The following FBXO25 variants were observed in gnomAD, a reference collection of about 807,000 sequenced individuals.
FBXO25 encodes F-box only protein 25.
Under a neutral mutation model 51.9 loss-of-function variants are expected in FBXO25, and 45 were observed. The observed-to-expected ratio is 0.87, with a 90% confidence interval of 0.68 to 1.11. The LOEUF is 1.11. FBXO25 is among the 50% of genes most tolerant of loss of function. FBXO25 has a pLI of 0.00. For missense variants in FBXO25, 507 were observed against 428.5 expected (o/e 1.18, Z -1.62); for synonymous variants, 199 against 151.0 (o/e 1.32, Z -2.33).
chr8:435,502 T>TA, intron 4 of FBXO25, 113 bp from the exon 5 acceptor site: 1 of 1,089,024 alleles, frequency 9.2e-7, no homozygotes, highest in East Asian at 2.6e-5. Flanking sequence ...GTCTTCAAAA[T>TA]AAAAACAAAT....
rs1800528521 is a variant in FBXO25 at position 472,925 on chromosome 8, T to C, written c.*4121T>C. On this transcript the variant is annotated 3_prime_UTR_variant, in exon 10 of 10. Transcript: ENST00000350302. ...CTCTCTTCATTATGATGTGTGCACG[T>C]GATGGACACCACTCACCTCCCTTTA... 6.6e-6 allele frequency: 1 copy of C among 152,214 alleles called. No homozygotes were observed. Among genetic ancestry groups the C allele is most frequent in the South Asian group, 2.1e-4 (1 of 4,832 alleles). The allele number at this position is 152,214 out of a possible 1,614,324, so 9.4% of individuals were successfully genotyped here. A position where few individuals can be genotyped will look rare whatever the true frequency, so the allele number is the denominator to read the frequency against.
At position 474,618 on chromosome 8, in the gene FBXO25, C is replaced by G. The variant is rs546913759; in HGVS notation, c.*5814C>G. Reference sequence around the variant, plus strand: ...CTGCTGAGATTTTGATTTGCATTTCCGTAATGACTGGTGATGCTGAGTATC... The same window carrying G: ...CTGCTGAGATTTTGATTTGCATTTCGGTAATGACTGGTGATGCTGAGTATC... On this transcript the variant is annotated 3_prime_UTR_variant, in exon 10 of 10. Coordinates refer to ENST00000350302, the MANE Select transcript of FBXO25 (RefSeq NM_183420.2). 2.4e-6 allele frequency: 1 copy of G among 408,462 alleles called. No homozygotes were observed. The highest frequency in any genetic ancestry group is 7.1e-5 in the East Asian group (1 of 14,178). The allele number at this position is 408,462 out of a possible 1,614,324, so 25.3% of individuals were successfully genotyped here.
intron 5 of FBXO25, among the ~76,000 whole-genome samples, chr8:442,301 A>G (rs1399358437): frequency 7.0e-6 from 1 of 143,618 alleles, no homozygotes; most frequent in Non-Finnish European, 1.5e-5. Flanking sequence ...TTTTTTTTTT[A>G]CCACAGTTAA....
In FBXO25 at chr8:474,306, A is replaced by C. The variant is rs1220480810; in HGVS notation, c.*5502A>C. 1 of 185,290 alleles carries C rather than the reference A, an allele frequency of 5.4e-6. No homozygotes were observed. The highest frequency in any genetic ancestry group is 2.4e-5 in the African/African-American group (1 of 41,744). The allele number at this position is 185,290 out of a possible 1,614,324, so 11.5% of individuals were successfully genotyped here. A position where few individuals can be genotyped will look rare whatever the true frequency, so the allele number is the denominator to read the frequency against. Reference sequence around the variant, plus strand: ...AAGATTTCTTTTTAAGGCTGATTCTATGGATGGACCACATTTTGTTTGTGT... The same window carrying C: ...AAGATTTCTTTTTAAGGCTGATTCTCTGGATGGACCACATTTTGTTTGTGT... On this transcript the variant is annotated 3_prime_UTR_variant, in exon 10 of 10. Coordinates refer to ENST00000350302, the MANE Select transcript of FBXO25 (RefSeq NM_183420.2).
chr8:436,105 C>G (rs1048367691), intron 5 of FBXO25, among the ~76,000 whole-genome samples: 1 of 152,118 alleles, frequency 6.6e-6, no homozygotes, highest in African/African-American at 2.4e-5. Context: ...AGGCTTGTGT[C>G]GCAGAGGAAG....
At chr8:457,440 C>T (rs1263478326) in intron 7 of FBXO25, among the ~76,000 whole-genome samples, 3 of 152,212 alleles carry the variant, frequency 2.0e-5, no homozygotes. Flanking sequence ...CGTGCACACA[C>T]ATGTATCTTC....
At chr8:420,720 C>G (rs1797097006) in intron 2 of FBXO25, among the ~76,000 whole-genome samples, 1 of 152,206 alleles carries the variant, frequency 6.6e-6, no homozygotes, top group South Asian at 2.1e-4. Context: ...AAAGGATGCG[C>G]TAGAAAAAGC....
At chr8:462,403 G>C (rs188680068) in intron 8 of FBXO25, among the ~76,000 whole-genome samples, 6 of 149,864 alleles carry the variant, frequency 4.0e-5, no homozygotes, top group African/African-American at 1.5e-4. Context: ...CATATGATGT[G>C]TGTAGCTTAT....
chr8:468,265 G>C (rs1221836923), intron 9 of FBXO25: 9 of 1,012,952 alleles, frequency 8.9e-6, no homozygotes, highest in Non-Finnish European at 1.1e-5. Flanking sequence ...CCTATGCAGG[G>C]AGCCCAAGCT....
intron 2 of FBXO25, among the ~76,000 whole-genome samples, chr8:424,290 A>G (rs1262134073): frequency 2.0e-5 from 3 of 152,068 alleles, no homozygotes; most frequent in African/African-American, 7.2e-5. Context: ...TAGTTTGCAA[A>G]TAGTTTCTCT....
chr8:438,183 T>C (rs933475117), intron 5 of FBXO25, among the ~76,000 whole-genome samples: 1 of 151,956 alleles, frequency 6.6e-6, no homozygotes, highest in Non-Finnish European at 1.5e-5. Flanking sequence ...GCCTCCTGAG[T>C]AGCTGGGATT....
intron 7 of FBXO25, among the ~76,000 whole-genome samples, chr8:452,633 A>T (rs56216515): frequency 6.6e-6 from 1 of 152,126 alleles, no homozygotes. Flanking sequence ...CATGGTCAGG[A>T]TCCCAAGGAA....
chr8:437,690 T>C (rs1798182827), intron 5 of FBXO25, among the ~76,000 whole-genome samples: 1 of 152,010 alleles, frequency 6.6e-6, no homozygotes, highest in Non-Finnish European at 1.5e-5. Context: ...TTAACCTCCC[T>C]GGCCCATGCC....
Position 443,567 on chromosome 8 carries a change from G to C in FBXO25, c.382-6423G>C, listed in dbSNP as rs560672216. Among the ~76,000 whole-genome samples the C allele has an allele frequency of 9.6e-3, 1,343 of 139,256 alleles. 12 individuals are homozygous for C. The highest frequency in any genetic ancestry group is 0.019 in the Middle Eastern group (5 of 260). 91.4% of individuals were successfully genotyped at this position (139,256 alleles called of 152,430 possible). A position where few individuals can be genotyped will look rare whatever the true frequency, so the allele number is the denominator to read the frequency against. ...AAAGGGACAACCCCAAAAATAGAAT[G>C]ACTTCTCACAGACCACTGCTTGAGC... On this transcript the variant is annotated intron_variant, in intron 5 of 9. Coordinates refer to ENST00000350302, the MANE Select transcript of FBXO25 (RefSeq NM_183420.2).
At chr8:421,751 C>T (rs1006584929) in intron 2 of FBXO25, among the ~76,000 whole-genome samples, 1 of 152,058 alleles carries the variant, frequency 6.6e-6, no homozygotes, top group African/African-American at 2.4e-5. Flanking sequence ...CCTAAGGGCT[C>T]CTCAGGGAAG....
At chr8:468,339 A>G (rs1800325350) in intron 9 of FBXO25, 1 of 909,692 alleles carries the variant, frequency 1.1e-6, no homozygotes, top group Non-Finnish European at 1.3e-6. Flanking sequence ...GAACAGGAGG[A>G]CAGGACAAAG....
At chr8:422,027 A>G (rs1280320795) in intron 2 of FBXO25, among the ~76,000 whole-genome samples, 3 of 152,262 alleles carry the variant, frequency 2.0e-5, no homozygotes, top group Non-Finnish European at 4.4e-5. Context: ...GTTAATAAAT[A>G]TAGAAGGAAT....
At chr8:427,102 A>G (rs1255096346) in intron 2 of FBXO25, among the ~76,000 whole-genome samples, 2 of 152,078 alleles carry the variant, frequency 1.3e-5, no homozygotes, top group African/African-American at 4.8e-5. Flanking sequence ...CCTGATTGGA[A>G]AATGTACAGA....
chr8:412,611 T>G (rs748637913), intron 1 of FBXO25, among the ~76,000 whole-genome samples: 4 of 152,210 alleles, frequency 2.6e-5, no homozygotes, highest in Non-Finnish European at 5.9e-5. Context: ...TGATCCAGCC[T>G]TAAATGACTT....
Sources: allele counts gnomAD v4.1 joint callset (sites outside exome capture counted in the v4.1 genomes callset), GRCh38; gene constraint gnomAD v4.1.1; transcripts MANE v1.5; gene names NCBI Gene and HGNC (gene_info 2026-07-23, HGNC 2026-07-21).